The following GRM1 variants were observed in gnomAD, a reference collection of about 807,000 sequenced individuals.
The protein encoded by GRM1 is glutamate metabotropic receptor 1.
A neutral mutation model predicts 90.9 loss-of-function variants in GRM1; 33 were observed. The ratio of observed to expected loss-of-function variants is 0.36; its 90% CI spans 0.28 to 0.49. The LOEUF is 0.49. Among genes scored for constraint, GRM1 ranks in the 20% least tolerant of loss-of-function variants. The probability of loss-of-function intolerance (pLI) is 0.99; values close to 1 mark genes in which losing one functional copy is unlikely to be tolerated. For missense variants in GRM1, 1,190 were observed against 1,534.3 expected, an observed-to-expected ratio of 0.78 and a Z score of 3.75; for synonymous variants, 700 against 613.2, an observed-to-expected ratio of 1.14 and a Z score of -2.09.
intron 1 of GRM1, among the ~76,000 whole-genome samples, chr6:146,149,175 T>C (rs1188213729): frequency 6.6e-6 from 1 of 152,182 alleles, no homozygotes; most frequent in Non-Finnish European, 1.5e-5. Context: ...GAAGACTCAA[T>C]GACAGAGGCT....
intron 1 of GRM1, among the ~76,000 whole-genome samples, chr6:146,145,035 A>G (rs1777034575): frequency 6.6e-6 from 1 of 152,232 alleles, no homozygotes; most frequent in Non-Finnish European, 1.5e-5. Context: ...AATGATCTAG[A>G]ATATCTGTCA....
At chr6:146,087,241 C>T (rs1035118554) in intron 1 of GRM1, among the ~76,000 whole-genome samples, 1 of 151,996 alleles carries the variant, frequency 6.6e-6, no homozygotes. Flanking sequence ...ATTATTTTAT[C>T]TTTTTATTTT....
intron 1 of GRM1, among the ~76,000 whole-genome samples, chr6:146,105,770 T>A (rs1777205136): frequency 6.6e-6 from 1 of 152,232 alleles, no homozygotes; most frequent in Non-Finnish European, 1.5e-5. Flanking sequence ...CACTTCAAAA[T>A]TTCTTTAGAG....
At chr6:146,049,092 C>CT (rs1207861448) in intron 1 of GRM1, among the ~76,000 whole-genome samples, 3 of 151,834 alleles carry the variant, frequency 2.0e-5, no homozygotes, top group Non-Finnish European at 2.9e-5. Context: ...TGATGCTCAT[C>CT]TTTTTATCGA....
chr6:146,325,794 GCTTTTATA>G (rs1409830940), intron 3 of GRM1, among the ~76,000 whole-genome samples: 1 of 151,970 alleles, frequency 6.6e-6, no homozygotes, highest in Non-Finnish European at 1.5e-5. Flanking sequence ...TATTTTCTCA[GCTTTTATA>G]ATTTTATCTT....
chr6:146,149,504 A>C lies in GRM1; in HGVS notation c.701-9844A>C, dbSNP rs181407499. Reference sequence around the variant, plus strand: ...TTCTGGGAAATTTAAAGTTATTATCACATATAATTTAATAATCATGATGAG... The same window carrying C: ...TTCTGGGAAATTTAAAGTTATTATCCCATATAATTTAATAATCATGATGAG... On this transcript the variant is annotated intron_variant, in intron 1 of 7. Transcript: ENST00000282753. Among the ~76,000 whole-genome samples, 821 of 152,338 alleles carry C rather than the reference A, an allele frequency of 5.4e-3. 6 individuals carry two copies. Among genetic ancestry groups the C allele is most frequent in the African/African-American group, 0.019 (788 of 41,574 alleles).
chr6:146,060,051 C>T (rs374710932), intron 1 of GRM1, among the ~76,000 whole-genome samples: 5 of 152,000 alleles, frequency 3.3e-5, no homozygotes, highest in African/African-American at 1.2e-4. Context: ...CTTTTAATTC[C>T]TTTCAGGGAC....
At chr6:146,210,128 A>G (rs1779640134) in intron 2 of GRM1, among the ~76,000 whole-genome samples, 1 of 152,148 alleles carries the variant, frequency 6.6e-6, no homozygotes, top group African/African-American at 2.4e-5. Flanking sequence ...TACTCTTAGA[A>G]TTTTTCAGTG....
intron 2 of GRM1, among the ~76,000 whole-genome samples, chr6:146,204,974 A>C (rs1381617320): frequency 6.6e-6 from 1 of 152,224 alleles, no homozygotes; most frequent in African/African-American, 2.4e-5. Context: ...ATTTCAGTAG[A>C]GTTGGCCCCT....
At chr6:146,036,504 C>A in intron 1 of GRM1, among the ~76,000 whole-genome samples, 1 of 151,876 alleles carries the variant, frequency 6.6e-6, no homozygotes. Flanking sequence ...TAATTGTTCT[C>A]TATGAATGTC....
chr6:146,255,736 G>A lies in GRM1; in HGVS notation c.951-48875G>A, dbSNP rs6570746. Among the ~76,000 whole-genome samples the A allele has an allele frequency of 8.6e-5, 13 of 151,964 alleles. 1 individual carries two copies. Among genetic ancestry groups the A allele is most frequent in the South Asian group, 8.3e-4 (4 of 4,812 alleles). ...ATGCCCTAACAAACTATCTGAACAC[G>A]ATTGCTCAACTTTCCTGTTCCCACA... On this transcript the variant is annotated intron_variant, in intron 2 of 7. Transcript: ENST00000282753.
intron 2 of GRM1, among the ~76,000 whole-genome samples, chr6:146,280,846 T>C (rs2114853390): frequency 6.6e-6 from 1 of 152,134 alleles, no homozygotes; most frequent in Admixed American, 6.5e-5. Flanking sequence ...GAGGCGGGTC[T>C]TGAACTCCTG....
intron 5 of GRM1, among the ~76,000 whole-genome samples, chr6:146,386,238 G>A (rs540740782): frequency 6.6e-6 from 1 of 152,036 alleles, no homozygotes; most frequent in South Asian, 2.1e-4. Context: ...TGAAAATGGG[G>A]GAAAGTTTAA....
chr6:146,434,796 AG>A lies in GRM1; in HGVS notation c.*5del, dbSNP rs1286883009. The A allele has an allele frequency of 6.3e-7, 1 of 1,593,358 alleles. No individual in the cohort carries two copies. Among genetic ancestry groups the A allele is most frequent in the Non-Finnish European group, 8.5e-7 (1 of 1,174,720 alleles). The stretch of plus-strand genomic sequence containing the variant: ...ACAAGCAAAGCTCTTCCACCCTGTA[AG>A]GGGGAAGGGTCCACATAGAAAAGCA... On this transcript the variant is annotated 3_prime_UTR_variant, in exon 8 of 8. Coordinates refer to ENST00000282753, the MANE Select transcript of GRM1 (RefSeq NM_001278064.2).
intron 2 of GRM1, among the ~76,000 whole-genome samples, chr6:146,301,466 G>A (rs1172492897): frequency 6.6e-6 from 1 of 152,160 alleles, no homozygotes. Flanking sequence ...AAGCTGTCAT[G>A]TGCTTTTAAA....
chr6:146,162,235 G>A (rs761508829), intron 2 of GRM1, among the ~76,000 whole-genome samples: 1 of 152,142 alleles, frequency 6.6e-6, no homozygotes, highest in Non-Finnish European at 1.5e-5. Flanking sequence ...GTCACAAGAA[G>A]GGCATTGTGT....
chr6:146,241,869 T>C (rs1200996865), intron 2 of GRM1, among the ~76,000 whole-genome samples: 1 of 152,142 alleles, frequency 6.6e-6, no homozygotes, highest in Non-Finnish European at 1.5e-5. Flanking sequence ...AAATATTCTG[T>C]TACTCTTTTC....
intron 2 of GRM1, among the ~76,000 whole-genome samples, chr6:146,249,982 A>C (rs1054116757): frequency 9.9e-5 from 15 of 152,186 alleles, no homozygotes; most frequent in Non-Finnish European, 1.6e-4. Flanking sequence ...TGACTGCTCC[A>C]CCAGGTTTCA....
chr6:146,134,049 CTT>C (rs1406615397), intron 1 of GRM1, among the ~76,000 whole-genome samples: 1 of 152,222 alleles, frequency 6.6e-6, no homozygotes, highest in Non-Finnish European at 1.5e-5. Context: ...ACTTCATTGA[CTT>C]GGGCTTGCCC....
Sources: gnomAD v4.1 joint callset for allele counts (sites outside exome capture counted in the v4.1 genomes callset) on GRCh38, gnomAD v4.1.1 for gene constraint, MANE v1.5 for transcripts, NCBI Gene and HGNC (gene_info 2026-07-23, HGNC 2026-07-21) for gene names.